MAPK14: variants seen among roughly 807,000 people sequenced by gnomAD.
MAPK14 encodes the protein CSAID-binding protein.
Under a neutral mutation model 49.6 loss-of-function variants are expected in MAPK14, and 16 were observed. The ratio of observed to expected loss-of-function variants is 0.32; its 90% CI spans 0.22 to 0.49. The LOEUF is 0.49. Among genes scored for constraint, MAPK14 ranks in the 20% least tolerant of loss-of-function variants. MAPK14 has a pLI of 0.99. For synonymous variants in MAPK14, 142 were observed against 158.0 expected, an observed-to-expected ratio of 0.90 and a Z score of 0.76; for missense variants, 200 against 441.2, an observed-to-expected ratio of 0.45 and a Z score of 4.90.
chr6:36,074,164 A>T, intron 6 of MAPK14, 68 bp downstream of exon 6: 1 of 1,227,206 alleles, frequency 8.1e-7, no homozygotes, highest in Non-Finnish European at 1.2e-6. Flanking sequence ...AAGCAGGCAG[A>T]CTTTCTTAGG....
intron 2 of MAPK14, among the ~76,000 whole-genome samples, chr6:36,053,346 A>C (rs1485597314): frequency 6.6e-6 from 1 of 151,544 alleles, no homozygotes; most frequent in Non-Finnish European, 1.5e-5. Flanking sequence ...ATTTGTTAAT[A>C]ATTTTTCTTT....
At chr6:36,040,830 C>T (rs1057397331) in intron 1 of MAPK14, among the ~76,000 whole-genome samples, 6 of 152,066 alleles carry the variant, frequency 3.9e-5, no homozygotes, top group African/African-American at 9.7e-5. Flanking sequence ...CAGTATTTAG[C>T]GTTTTCAAAC....
chr6:36,069,669 T>C (rs891975537), intron 3 of MAPK14, among the ~76,000 whole-genome samples: 1 of 152,070 alleles, frequency 6.6e-6, no homozygotes. Flanking sequence ...TTGAGAGAAA[T>C]TACATAGTGG....
chr6:36,060,611 C>T (rs750466852), intron 3 of MAPK14, among the ~76,000 whole-genome samples: 3 of 152,140 alleles, frequency 2.0e-5, no homozygotes, highest in Non-Finnish European at 4.4e-5. Context: ...TCACCCTTAT[C>T]CTGGTTTCAG....
In MAPK14 at chr6:36,028,069, T is replaced by G. The variant is rs1314830189; in HGVS notation, c.-89T>G. 2.5e-6 allele frequency: 2 copies of G among 807,896 alleles called. No homozygotes were observed. The highest frequency in any genetic ancestry group is 3.9e-6 in the Non-Finnish European group (2 of 511,658). The allele number at this position is 807,896 out of a possible 1,614,324, so 50.0% of individuals were successfully genotyped here. A position where few individuals can be genotyped will look rare whatever the true frequency, so the allele number is the denominator to read the frequency against. On this transcript the variant is annotated 5_prime_UTR_variant, in exon 1 of 12. Transcript: ENST00000229794. The surrounding 1 kb of genome is among the most constrained non-coding windows in gnomAD (Gnocchi z 5.1). ...GACCAGCGCAAGGTCCCCGCCCGGC[T>G]GGGCGGGCAGCAAGGGCCGGGGAGA...
chr6:36,076,073 A>C, intron 7 of MAPK14, 111 bp downstream of exon 7: 12 of 1,140,300 alleles, frequency 1.1e-5, no homozygotes, highest in Non-Finnish European at 1.5e-5. Flanking sequence ...TTCTTCCCTC[A>C]GTGATCCTTT....
intron 3 of MAPK14, among the ~76,000 whole-genome samples, chr6:36,069,824 T>C (rs2127437691): frequency 6.6e-6 from 1 of 152,334 alleles, no homozygotes; most frequent in African/African-American, 2.4e-5. Context: ...TGCTATGGTT[T>C]CATTAGTAGT....
intron 1 of MAPK14, among the ~76,000 whole-genome samples, chr6:36,032,263 C>A (rs897785225): frequency 6.6e-6 from 1 of 151,988 alleles, no homozygotes; most frequent in Admixed American, 6.5e-5. Context: ...AGTAAAAAAA[C>A]AAGTAGAAGC....
chr6:36,117,755 C>CA, the MAPK14 span, among the ~76,000 whole-genome samples: 1 of 152,222 alleles, frequency 6.6e-6, no homozygotes, highest in African/African-American at 2.4e-5. Flanking sequence ...ATGCTAAATA[C>CA]TGGCTTAAGG....
chr6:36,035,339 A>G (rs1762701219), intron 1 of MAPK14, among the ~76,000 whole-genome samples: 3 of 152,224 alleles, frequency 2.0e-5, no homozygotes, highest in Non-Finnish European at 4.4e-5. Context: ...AGGTGTCTGG[A>G]ACCATGCCCA....
At position 36,080,636 on chromosome 6, in the gene MAPK14, A is replaced by G. The variant is rs78104760; in HGVS notation, c.682+4028A>G. Among the ~76,000 whole-genome samples, 1,150 of 152,230 alleles carry G rather than the reference A, an allele frequency of 7.6e-3. 19 individuals are homozygous for G. Among genetic ancestry groups the G allele is most frequent in the East Asian group, 0.03 (158 of 5,188 alleles). On this transcript the variant is annotated intron_variant, in intron 8 of 11. Transcript: ENST00000229794. Reference sequence around the variant, plus strand: ...GTTGTTTTTACCTTTGGCTATTGTGAATAATGCTGCAGTGAACATTGTCAT... The same window carrying G: ...GTTGTTTTTACCTTTGGCTATTGTGGATAATGCTGCAGTGAACATTGTCAT...
chr6:36,059,414 C>A, intron 3 of MAPK14, 67 bp downstream of exon 3: 1 of 1,144,058 alleles, frequency 8.7e-7, no homozygotes, highest in Non-Finnish European at 1.3e-6. Context: ...ATTTCTATTC[C>A]TGAACCATTT....
rs553460202 is a variant in MAPK14, at chr6:36,038,651, C to T, written c.116+10378C>T. ...TAGATGAATTGGTGCAAGCCCTGACCCATGCTCACAACTCTCATTCCAGCA... is the reference window on the plus strand; with the variant it reads ...TAGATGAATTGGTGCAAGCCCTGACTCATGCTCACAACTCTCATTCCAGCA... On this transcript the variant is annotated intron_variant, in intron 1 of 11. Transcript: ENST00000229794. Among the ~76,000 whole-genome samples, 19 of 152,274 alleles carry T rather than the reference C, an allele frequency of 1.2e-4. 1 individual carries two copies.
At chr6:36,034,602 G>T (rs1485632758) in intron 1 of MAPK14, among the ~76,000 whole-genome samples, 1 of 152,208 alleles carries the variant, frequency 6.6e-6, no homozygotes, top group African/African-American at 2.4e-5. Flanking sequence ...TGCTATGGAA[G>T]TCATGCAGCT....
At chr6:36,034,617 C>T (rs1762665421) in intron 1 of MAPK14, among the ~76,000 whole-genome samples, 1 of 152,118 alleles carries the variant, frequency 6.6e-6, no homozygotes, top group Admixed American at 6.5e-5. Flanking sequence ...GCAGCTGTTT[C>T]GTCAGGAAAA....
chr6:36,088,721 CAAA>C (rs553619006), intron 8 of MAPK14, among the ~76,000 whole-genome samples: 2 of 95,852 alleles, frequency 2.1e-5, no homozygotes, highest in Non-Finnish European at 2.2e-5. Flanking sequence ...GACTCCGTCT[CAAA>C]AAAAAAAAAA....
downstream of MAPK14, among the ~76,000 whole-genome samples, chr6:36,114,581 G>C (rs1257628161): frequency 1.3e-5 from 2 of 149,256 alleles, no homozygotes; most frequent in Non-Finnish European, 3.0e-5. Context: ...TGACACCGCA[G>C]CACTCCAGCC....
intron 8 of MAPK14, among the ~76,000 whole-genome samples, chr6:36,079,259 TCTGTTCTTCG>T (rs1764649887): frequency 1.3e-5 from 2 of 152,198 alleles, no homozygotes; most frequent in Admixed American, 6.5e-5. Context: ...TTTCCAATAT[TCTGTTCTTCG>T]CTGTTCTTCT....
At chr6:36,039,587 GA>G (rs1288045722) in intron 1 of MAPK14, among the ~76,000 whole-genome samples, 1 of 151,760 alleles carries the variant, frequency 6.6e-6, no homozygotes, top group African/African-American at 2.4e-5. Flanking sequence ...AGCATGTGAA[GA>G]AAAAAAGCAT....
Sources: gnomAD v4.1 joint callset for allele counts (sites outside exome capture counted in the v4.1 genomes callset) on GRCh38, gnomAD v4.1.1 for gene constraint, Gnocchi (gnomAD v3.1) non-coding constraint, MANE v1.5 for transcripts, NCBI Gene and HGNC (gene_info 2026-07-23, HGNC 2026-07-21) for gene names.